ROBO1: variants seen among roughly 807,000 people sequenced by gnomAD.
ROBO1 encodes the protein roundabout guidance receptor 1.
ROBO1 carries 149 observed loss-of-function variants against 195.9 expected under a neutral mutation model. The ratio of observed to expected loss-of-function variants is 0.76; its 90% CI spans 0.67 to 0.87. ROBO1 has a LOEUF of 0.87. ROBO1 is among the 40% of genes least tolerant of loss of function. The pLI is 0.00. For missense variants in ROBO1, 1,933 were observed against 2,068.3 expected, an observed-to-expected ratio of 0.93 and a Z score of 1.27; for synonymous variants, 816 against 733.2, an observed-to-expected ratio of 1.11 and a Z score of -1.82.
intron 1 of ROBO1, among the ~76,000 whole-genome samples, chr3:79,649,801 C>T (rs1189949253): frequency 6.6e-6 from 1 of 151,866 alleles, no homozygotes; most frequent in African/African-American, 2.4e-5. Context: ...TTCCTGGGGC[C>T]CAGAGAGAAC....
intron 3 of ROBO1, chr3:79,018,560 A>AAT (rs2108260933): frequency 6.5e-7 from 1 of 1,544,448 alleles, no homozygotes; most frequent in Admixed American, 1.9e-5. Context: ...ACAAAGGCTT[A>AAT]ATATAAGCAA....
chr3:79,433,867 G>A (rs560311551), intron 2 of ROBO1, among the ~76,000 whole-genome samples: 1 of 152,182 alleles, frequency 6.6e-6, no homozygotes, highest in South Asian at 2.1e-4. Context: ...TAGACCAATG[G>A]AACAGAACAG....
chr3:79,422,862 C>T (rs2038287226), intron 2 of ROBO1, among the ~76,000 whole-genome samples: 1 of 152,060 alleles, frequency 6.6e-6, no homozygotes, highest in South Asian at 2.1e-4. Context: ...TACTCACCTC[C>T]CACTCACACA....
chr3:78,680,585 C>T (rs2080874196), intron 10 of ROBO1, among the ~76,000 whole-genome samples: 1 of 151,760 alleles, frequency 6.6e-6, no homozygotes, highest in Non-Finnish European at 1.5e-5. Flanking sequence ...TGAAAAAATG[C>T]TCACCATCAC....
chr3:79,310,365 T>C (rs1367711245), intron 2 of ROBO1, among the ~76,000 whole-genome samples: 1 of 152,062 alleles, frequency 6.6e-6, no homozygotes, highest in Non-Finnish European at 1.5e-5. Context: ...ACTGGGGGCC[T>C]TTTATATCCC....
chr3:78,608,824 T>C (rs1483938995), intron 28 of ROBO1, among the ~76,000 whole-genome samples: 1 of 152,096 alleles, frequency 6.6e-6, no homozygotes, highest in Admixed American at 6.6e-5. Flanking sequence ...AAGATGACTT[T>C]TAGGATTTTT....
chr3:79,533,088 G>T (rs1414600559), intron 2 of ROBO1: 3 of 441,342 alleles, frequency 6.8e-6, no homozygotes, highest in Non-Finnish European at 9.1e-6. Flanking sequence ...AATTTTTCTT[G>T]GTTCTTTAGT....
chr3:78,913,806 C>A (rs578107264), intron 4 of ROBO1, among the ~76,000 whole-genome samples: 1 of 152,224 alleles, frequency 6.6e-6, no homozygotes, highest in African/African-American at 2.4e-5. Flanking sequence ...CAAAACTTTT[C>A]TTAAAGGAAA....
chr3:79,573,189 C>T (rs1001137255), intron 2 of ROBO1, among the ~76,000 whole-genome samples: 1 of 152,134 alleles, frequency 6.6e-6, no homozygotes, highest in Non-Finnish European at 1.5e-5. Flanking sequence ...GCTGGGACTA[C>T]AGGCATGTGT....
intron 2 of ROBO1, among the ~76,000 whole-genome samples, chr3:79,546,166 A>G (rs1942257473): frequency 1.3e-5 from 2 of 152,120 alleles, no homozygotes; most frequent in African/African-American, 2.4e-5. Context: ...AATTTAATGT[A>G]TAGTAAATAT....
intron 2 of ROBO1, among the ~76,000 whole-genome samples, chr3:79,278,466 C>T (rs1479512312): frequency 6.6e-6 from 1 of 152,114 alleles, no homozygotes; most frequent in African/African-American, 2.4e-5. Flanking sequence ...GTAACTAAAG[C>T]AGCATAATGC....
intron 2 of ROBO1, among the ~76,000 whole-genome samples, chr3:79,569,126 G>GCACACA (rs71127393): frequency 3.3e-5 from 5 of 149,616 alleles, no homozygotes; most frequent in African/African-American, 9.8e-5. Context: ...GTGCACACGC[G>GCACACA]CACACACACA....
At chr3:78,994,144 A>G (rs1160363926) in intron 3 of ROBO1, among the ~76,000 whole-genome samples, 1 of 152,200 alleles carries the variant, frequency 6.6e-6, no homozygotes, top group Non-Finnish European at 1.5e-5. Flanking sequence ...TAGATACAGA[A>G]CAGAGTTTTA....
At chr3:79,311,896 A>T (rs1365985279) in intron 2 of ROBO1, among the ~76,000 whole-genome samples, 2 of 152,150 alleles carry the variant, frequency 1.3e-5, no homozygotes, top group African/African-American at 4.8e-5. Flanking sequence ...GTGGTTTAAA[A>T]AAAGCCACCT....
chr3:78,920,797 T>C (rs1308411788), intron 4 of ROBO1, among the ~76,000 whole-genome samples: 2 of 151,946 alleles, frequency 1.3e-5, no homozygotes, highest in South Asian at 2.1e-4. Context: ...CACAGGTGCA[T>C]GTCACCATGC....
intron 2 of ROBO1, among the ~76,000 whole-genome samples, chr3:79,541,058 G>A (rs1276183056): frequency 6.6e-6 from 1 of 151,980 alleles, no homozygotes; most frequent in African/African-American, 2.4e-5. Flanking sequence ...ATCCTGGATG[G>A]AATGAAATTC....
chr3:78,830,752 G>T (rs955065155), intron 4 of ROBO1, among the ~76,000 whole-genome samples: 19 of 152,084 alleles, frequency 1.2e-4, no homozygotes, highest in Admixed American at 1.3e-4. Flanking sequence ...AACAGGAAAA[G>T]AAATTCTCAT....
intron 4 of ROBO1, among the ~76,000 whole-genome samples, chr3:78,808,293 C>A (rs2084615626): frequency 6.6e-6 from 1 of 152,100 alleles, no homozygotes; most frequent in Non-Finnish European, 1.5e-5. Flanking sequence ...CAACCTCTGC[C>A]TCCCAGATTC....
chr3:79,538,433 T>TTTAATCTCAGTGCATTAAAAA (rs1336812068), intron 2 of ROBO1, among the ~76,000 whole-genome samples: 2,923 of 152,186 alleles, frequency 0.019, 116 homozygotes, highest in African/African-American at 0.066. Flanking sequence ...AGAGATTTTA[T>TTTAATCTCAGTGCATTAAAAA]TTAGTTGTAA....
Sources: allele counts gnomAD v4.1 joint callset (sites outside exome capture counted in the v4.1 genomes callset), GRCh38; gene constraint gnomAD v4.1.1; transcripts MANE v1.5; gene names NCBI Gene and HGNC (gene_info 2026-07-23, HGNC 2026-07-21).